KCTD16: variants seen among roughly 807,000 people sequenced by gnomAD.
KCTD16 encodes BTB/POZ domain-containing protein KCTD16.
Under a neutral mutation model 33.2 loss-of-function variants are expected in KCTD16, and 13 were observed. The ratio of observed to expected loss-of-function variants is 0.39; its 90% CI spans 0.25 to 0.62. The LOEUF (loss-of-function observed/expected upper bound fraction) is 0.62. KCTD16 is among the 20% of genes least tolerant of loss of function. The probability of loss-of-function intolerance (pLI) is 0.50; values close to 1 mark genes in which losing one functional copy is unlikely to be tolerated. For synonymous variants in KCTD16, 197 were observed against 195.3 expected (o/e 1.01, Z -0.07); for missense variants, 441 against 525.1 (o/e 0.84, Z 1.57).
At chr5:144,442,825 C>T (rs150266485) in intron 3 of KCTD16, among the ~76,000 whole-genome samples, 1 of 152,074 alleles carries the variant, frequency 6.6e-6, no homozygotes, top group African/African-American at 2.4e-5. Flanking sequence ...AGCATGGAGA[C>T]CTGCTCTTTG....
intron 3 of KCTD16, among the ~76,000 whole-genome samples, chr5:144,418,865 T>G (rs1474356999): frequency 6.6e-6 from 1 of 152,150 alleles, no homozygotes; most frequent in African/African-American, 2.4e-5. Flanking sequence ...CAGTGTACCA[T>G]GAGAAGTATT....
At chr5:144,228,986 G>T (rs1446319229) in intron 3 of KCTD16, among the ~76,000 whole-genome samples, 1 of 152,222 alleles carries the variant, frequency 6.6e-6, no homozygotes, top group African/African-American at 2.4e-5. Context: ...AGGACTGTGG[G>T]AGAGTGAATA....
chr5:144,297,306 G>T (rs986842083), intron 3 of KCTD16, among the ~76,000 whole-genome samples: 12 of 152,184 alleles, frequency 7.9e-5, no homozygotes, highest in African/African-American at 2.7e-4. Flanking sequence ...TTGGCTGCAA[G>T]TAAGAAAAAA....
chr5:144,299,383 G>C (rs886612814), intron 3 of KCTD16, among the ~76,000 whole-genome samples: 1 of 151,390 alleles, frequency 6.6e-6, no homozygotes, highest in Non-Finnish European at 1.5e-5. Context: ...GACAAAAATA[G>C]TTTGACAAAA....
chr5:144,186,283 G>A (rs976006189), intron 2 of KCTD16, among the ~76,000 whole-genome samples: 6 of 147,746 alleles, frequency 4.1e-5, no homozygotes, highest in African/African-American at 1.5e-4. Flanking sequence ...AAAGTCTACA[G>A]TTATGTAAGA....
chr5:144,250,793 A>G (rs992962316), intron 3 of KCTD16, among the ~76,000 whole-genome samples: 2 of 152,140 alleles, frequency 1.3e-5, no homozygotes, highest in African/African-American at 2.4e-5. Flanking sequence ...TCTATATGTC[A>G]TCTATATGTG....
At chr5:144,216,540 G>C (rs753074385) in intron 3 of KCTD16, among the ~76,000 whole-genome samples, 2 of 152,004 alleles carry the variant, frequency 1.3e-5, no homozygotes, top group Non-Finnish European at 2.9e-5. Context: ...ACATAATTTG[G>C]TGGCAAAGTT....
In KCTD16 at chr5:144,383,545, GAA is replaced by G. The variant is rs36080142; in HGVS notation, c.833-90103_833-90102del. On this transcript the variant is annotated intron_variant, in intron 3 of 3. Transcript: ENST00000512467. ...GGCAAAAAGGCCCTAGAGGGTGAAG[GAA>G]AAAAAAAAAAAGAAACATTCTAAAG... 1.1e-3 allele frequency among the ~76,000 whole-genome samples: 159 copies of G among 145,468 alleles called. 1 individual carries two copies. The East Asian group carries it at 0.015, about 13-fold the overall frequency.
In KCTD16 at chr5:144,473,808, G is replaced by C. The variant is rs774023034; in HGVS notation, c.981G>C (p.Thr327=). The change falls in exon 4 of 4, where the codon ACG becomes ACC. Residue 327 remains threonine (T), a synonymous_variant. Transcript: ENST00000512467. ...CTGAGGCCAGCTCTCCCCAGGAGAC[G>C]GTCATCTGTGGTCCCGTGACACGCC... ...SQSEASSPQE[T]VICGPVTRQT... is the part of the protein sequence containing the mutation. 15 of 1,614,054 alleles carry C rather than the reference G, an allele frequency of 9.3e-6. No individual in the cohort carries two copies. Among genetic ancestry groups the C allele is most frequent in the Non-Finnish European group, 1.2e-5 (14 of 1,179,994 alleles).
intron 3 of KCTD16, among the ~76,000 whole-genome samples, chr5:144,263,764 G>A (rs1163202314): frequency 2.0e-5 from 3 of 152,194 alleles, no homozygotes; most frequent in South Asian, 4.2e-4. Flanking sequence ...ACCATAGACT[G>A]GGTGGCTTAA....
Position 144,430,832 on chromosome 5 carries a change from C to T in KCTD16, c.833-42828C>T, listed in dbSNP as rs532964677. On this transcript the variant is annotated intron_variant, in intron 3 of 3. Coordinates refer to ENST00000512467, the MANE Select transcript of KCTD16 (RefSeq NM_020768.4). Reference sequence around the variant, plus strand: ...CAGAAGGTCTCTCAATTTTCACTGGCAACATCCCTGGAATGAGTTTTCTGC... The same window carrying T: ...CAGAAGGTCTCTCAATTTTCACTGGTAACATCCCTGGAATGAGTTTTCTGC... Among the ~76,000 whole-genome samples, 3 of 152,258 alleles carry T rather than the reference C, an allele frequency of 2.0e-5. No homozygotes were observed. In the South Asian group the frequency reaches 6.2e-4, roughly 32 times the overall value.
At chr5:144,459,086 G>A (rs1201373146) in intron 3 of KCTD16, among the ~76,000 whole-genome samples, 2 of 152,220 alleles carry the variant, frequency 1.3e-5, no homozygotes, top group Non-Finnish European at 2.9e-5. Flanking sequence ...TATAGAGGAT[G>A]TACAGGAACT....
intron 3 of KCTD16, among the ~76,000 whole-genome samples, chr5:144,463,656 G>A (rs930774344): frequency 2.0e-5 from 3 of 152,200 alleles, no homozygotes; most frequent in African/African-American, 7.2e-5. Context: ...CACACTGCCA[G>A]AGTATTCATC....
intron 3 of KCTD16, among the ~76,000 whole-genome samples, chr5:144,453,577 A>C (rs1291871743): frequency 2.6e-5 from 4 of 152,278 alleles, no homozygotes; most frequent in African/African-American, 9.6e-5. Flanking sequence ...TAGGAACCTC[A>C]ATTTATTAAT....
intron 3 of KCTD16, among the ~76,000 whole-genome samples, chr5:144,466,988 CTATA>C (rs55882530): frequency 2.0e-5 from 2 of 100,602 alleles, no homozygotes; most frequent in Non-Finnish European, 3.8e-5. Flanking sequence ...ATATATAACA[CTATA>C]TATATTATAT....
intron 3 of KCTD16, among the ~76,000 whole-genome samples, chr5:144,228,908 A>C (rs1279872737): frequency 6.6e-6 from 1 of 152,216 alleles, no homozygotes; most frequent in Non-Finnish European, 1.5e-5. Context: ...GTGTACATGC[A>C]TACGTACATA....
chr5:144,418,247 A>T (rs1407991514), intron 3 of KCTD16, among the ~76,000 whole-genome samples: 1 of 152,164 alleles, frequency 6.6e-6, no homozygotes, highest in African/African-American at 2.4e-5. Context: ...CAAAAGAACA[A>T]GGCTTCCACA....
At chr5:144,366,633 G>T (rs1751841611) in intron 3 of KCTD16, among the ~76,000 whole-genome samples, 1 of 152,138 alleles carries the variant, frequency 6.6e-6, no homozygotes, top group African/African-American at 2.4e-5. Flanking sequence ...GAGCCCTGAG[G>T]TGGTCTTTTA....
intron 3 of KCTD16, among the ~76,000 whole-genome samples, chr5:144,269,809 A>G (rs1376538740): frequency 2.0e-5 from 3 of 152,092 alleles, no homozygotes; most frequent in Non-Finnish European, 4.4e-5. Context: ...CAGAGAATGT[A>G]TAAGGATGAA....
Sources: allele counts gnomAD v4.1 joint callset (sites outside exome capture counted in the v4.1 genomes callset), GRCh38; gene constraint gnomAD v4.1.1; transcripts MANE v1.5; gene names NCBI Gene and HGNC (gene_info 2026-07-23, HGNC 2026-07-21).